Variants in UBE4B observed in about 807,000 individuals in gnomAD.
The protein encoded by UBE4B is ubiquitination factor E4B.
Under a neutral mutation model 148.1 loss-of-function variants are expected in UBE4B, and 27 were observed. That is an observed-to-expected ratio of 0.18 (90% CI 0.13 to 0.25). The LOEUF is 0.25. Ranked by LOEUF, UBE4B falls within the 10% of genes least tolerant of loss-of-function variation. The pLI, the probability that UBE4B is intolerant of heterozygous loss-of-function variation, is 1.00. For missense variants in UBE4B, 1,170 were observed against 1,662.4 expected (o/e 0.70, Z 5.15); for synonymous variants, 596 against 619.3 (o/e 0.96, Z 0.56).
intron 25 of UBE4B, among the ~76,000 whole-genome samples, chr1:10,175,035 C>CT: frequency 6.6e-6 from 1 of 152,176 alleles, no homozygotes; most frequent in Non-Finnish European, 1.5e-5. Flanking sequence ...GGTAAAGAAA[C>CT]TGAGAGGCTT....
chr1:10,179,949 A>G lies in UBE4B; in HGVS notation c.3902A>G (p.Asp1301Gly). Residue 1301 changes from aspartate to glycine, a missense_variant, in exon 28 of 28, where the codon GAT (aspartate) becomes GGT (glycine). Coordinates refer to ENST00000343090, the MANE Select transcript of UBE4B (RefSeq NM_001105562.3). ...TGGATGAGAGAGAAACAGAACAGCG[A>G]TCACTAAACCGTTCCGCCGCCCACC... ...QAWMREKQNSDH is the reference protein window; with the variant it reads ...QAWMREKQNSGH 1 of 1,614,172 alleles carries G rather than the reference A, an allele frequency of 6.2e-7. No homozygotes were observed.
chr1:10,164,583 G>A (rs892492136), intron 23 of UBE4B, among the ~76,000 whole-genome samples: 2 of 152,190 alleles, frequency 1.3e-5, no homozygotes, highest in African/African-American at 2.4e-5. Flanking sequence ...GTACTTAATA[G>A]CATTTGTTTA....
intron 7 of UBE4B, among the ~76,000 whole-genome samples, chr1:10,108,219 C>T (rs1055643629): frequency 6.7e-6 from 1 of 149,768 alleles, no homozygotes; most frequent in African/African-American, 2.5e-5. Flanking sequence ...CCCCTGTTCA[C>T]CCCCATTGAG....
chr1:10,117,356 T>C, intron 7 of UBE4B, 103 bp from the exon 8 acceptor site: 1 of 1,474,998 alleles, frequency 6.8e-7, no homozygotes, highest in Non-Finnish European at 9.2e-7. Context: ...TGTGCTTTGT[T>C]ATGTGTACAG....
chr1:10,036,474 A>G (rs1426893973), intron 1 of UBE4B, among the ~76,000 whole-genome samples: 2 of 151,896 alleles, frequency 1.3e-5, no homozygotes, highest in Non-Finnish European at 1.5e-5. Context: ...AGAACAAATA[A>G]TATTCGTTTG....
chr1:10,067,855 G>A (rs979075471), intron 1 of UBE4B, among the ~76,000 whole-genome samples: 10 of 151,906 alleles, frequency 6.6e-5, no homozygotes, highest in African/African-American at 2.4e-4. Flanking sequence ...AGCTTCCCGA[G>A]TAGCTTGGAC....
intron 1 of UBE4B, among the ~76,000 whole-genome samples, chr1:10,044,777 TTTACTATGTTGGC>T (rs373850945): frequency 0.036 from 5,518 of 152,032 alleles, 154 homozygotes; most frequent in South Asian, 0.082. Context: ...GAGATAGAGT[TTTACTATGTTGGC>T]CAGGCTGTTC....
At chr1:10,173,351 G>A (rs941030116) in intron 25 of UBE4B, among the ~76,000 whole-genome samples, 23 of 151,720 alleles carry the variant, frequency 1.5e-4, no homozygotes, top group Admixed American at 7.9e-4. Context: ...GCGTGGTGGC[G>A]GGCGCCTGTA....
intron 25 of UBE4B, among the ~76,000 whole-genome samples, chr1:10,175,029 A>G (rs927273361): frequency 3.3e-5 from 5 of 152,136 alleles, no homozygotes; most frequent in African/African-American, 1.2e-4. Flanking sequence ...TTTGCAGGTA[A>G]AGAAACTGAG....
At chr1:10,107,819 C>G (rs922574331) in intron 7 of UBE4B, among the ~76,000 whole-genome samples, 2 of 152,148 alleles carry the variant, frequency 1.3e-5, no homozygotes, top group Non-Finnish European at 2.9e-5. Flanking sequence ...CTCAAGTGAT[C>G]TGCCCGTCTT....
intron 14 of UBE4B, among the ~76,000 whole-genome samples, chr1:10,131,735 G>A (rs942465192): frequency 6.6e-6 from 1 of 152,000 alleles, no homozygotes; most frequent in Non-Finnish European, 1.5e-5. Context: ...GGTGGATCAC[G>A]AGGTCAGCAG....
intron 17 of UBE4B, among the ~76,000 whole-genome samples, chr1:10,140,516 C>T (rs12070814): frequency 0.21 from 32,662 of 152,082 alleles, 6,644 homozygotes; most frequent in African/African-American, 0.54. Context: ...TAATATCAAT[C>T]ACTGAGAGAA....
chr1:10,119,459 A>G (rs955492252), intron 8 of UBE4B, 54 bp from the exon 9 acceptor site: 4 of 1,565,436 alleles, frequency 2.6e-6, no homozygotes, highest in East Asian at 4.5e-5. Context: ...TTTTAACAGC[A>G]TGGAATTGTA....
At chr1:10,051,668 T>C (rs1250126535) in intron 1 of UBE4B, among the ~76,000 whole-genome samples, 3 of 151,676 alleles carry the variant, frequency 2.0e-5, no homozygotes, top group Non-Finnish European at 2.9e-5. Flanking sequence ...GAAGGTGGAG[T>C]GTAGAGCTTT....
intron 1 of UBE4B, among the ~76,000 whole-genome samples, chr1:10,041,334 T>G (rs1643752763): frequency 6.7e-6 from 1 of 149,374 alleles, no homozygotes; most frequent in South Asian, 2.1e-4. Flanking sequence ...TTTTTGGCAT[T>G]CTTTTTTTTT....
chr1:10,131,908 T>C (rs1178247623), intron 14 of UBE4B, among the ~76,000 whole-genome samples: 7 of 149,608 alleles, frequency 4.7e-5, no homozygotes, highest in South Asian at 4.2e-4. Context: ...AGCCGAGATG[T>C]GCCACTGCAC....
intron 1 of UBE4B, among the ~76,000 whole-genome samples, chr1:10,048,333 T>C (rs1194338045): frequency 6.6e-6 from 1 of 152,164 alleles, no homozygotes; most frequent in African/African-American, 2.4e-5. Context: ...TTTGTCCATA[T>C]GGAGATGTGA....
At chr1:10,156,618 A>G (rs561085952) in intron 21 of UBE4B, among the ~76,000 whole-genome samples, 5 of 152,212 alleles carry the variant, frequency 3.3e-5, no homozygotes, top group Admixed American at 1.3e-4. Flanking sequence ...GGCATTTTAG[A>G]TGATATGAGG....
intron 4 of UBE4B, among the ~76,000 whole-genome samples, chr1:10,101,710 G>A (rs939603880): frequency 6.6e-6 from 1 of 151,798 alleles, no homozygotes; most frequent in Admixed American, 6.6e-5. Flanking sequence ...GGTTTTCACC[G>A]TGTTAGCCAG....
Sources: allele counts gnomAD v4.1 joint callset (sites outside exome capture counted in the v4.1 genomes callset), GRCh38; gene constraint gnomAD v4.1.1; transcripts MANE v1.5; gene names NCBI Gene and HGNC (gene_info 2026-07-23, HGNC 2026-07-21).